The following SYT10 variants were observed in gnomAD, a reference collection of about 807,000 sequenced individuals.
The protein encoded by SYT10 is synaptotagmin-10.
In SYT10, 31 loss-of-function variants were observed where a neutral mutation model predicts 51.1. The ratio of observed to expected loss-of-function variants is 0.61; its 90% CI spans 0.46 to 0.82. The LOEUF (loss-of-function observed/expected upper bound fraction) is 0.82, where lower values mean the gene tolerates loss of function less well. SYT10 is among the 40% of genes least tolerant of loss of function. The probability of loss-of-function intolerance (pLI) is 0.00; values close to 1 mark genes in which losing one functional copy is unlikely to be tolerated. For synonymous variants in SYT10, 233 were observed against 225.9 expected (o/e 1.03, Z -0.28); for missense variants, 603 against 634.0 (o/e 0.95, Z 0.53).
chr12:33,416,537 T>C (rs1311153279), intron 2 of SYT10, among the ~76,000 whole-genome samples: 1 of 152,194 alleles, frequency 6.6e-6, no homozygotes, highest in Non-Finnish European at 1.5e-5. Flanking sequence ...GAACATTCTC[T>C]TTTACAACGT....
At chr12:33,404,075 A>G (rs1164754558) in intron 3 of SYT10, among the ~76,000 whole-genome samples, 1 of 152,228 alleles carries the variant, frequency 6.6e-6, no homozygotes, top group Non-Finnish European at 1.5e-5. Context: ...CTGAAATGAG[A>G]ATGTCTGCAG....
At chr12:33,424,967 A>C (rs1866538186) in intron 2 of SYT10, among the ~76,000 whole-genome samples, 1 of 151,960 alleles carries the variant, frequency 6.6e-6, no homozygotes, top group African/African-American at 2.4e-5. Context: ...CCTTATCTCA[A>C]AGTTCCTTAT....
chr12:33,383,961 T>C (rs1196762231), intron 4 of SYT10, among the ~76,000 whole-genome samples: 2 of 152,220 alleles, frequency 1.3e-5, no homozygotes, highest in African/African-American at 4.8e-5. Context: ...ACACTGTTTA[T>C]CTTAAATTCT....
Position 33,376,780 on chromosome 12 carries a change from A to T in SYT10, c.*50T>A. On this transcript the variant is annotated 3_prime_UTR_variant, in exon 7 of 7. Coordinates refer to ENST00000228567, the MANE Select transcript of SYT10 (RefSeq NM_198992.4). ...AACCTTCCACTTTTTTTCTGATTCA[A>T]TGAGCACGTGATCCTAGATGCTTAA... 1 of 1,604,206 alleles carries T rather than the reference A, an allele frequency of 6.2e-7. No individual in the cohort carries two copies. The highest frequency in any genetic ancestry group is 1.7e-5 in the Admixed American group (1 of 59,354).
chr12:33,407,005 C>T lies in SYT10; in HGVS notation c.861G>A (p.Val287=), dbSNP rs780248794. 2 of 1,613,986 alleles carry T rather than the reference C, an allele frequency of 1.2e-6. No individual in the cohort carries two copies. Among genetic ancestry groups the T allele is most frequent in the Admixed American group, 3.3e-5 (2 of 59,992 alleles). ...PDRKKKFQTR[V]HRKTLNPLFD... is the part of the protein sequence containing the mutation. Reference sequence around the variant, plus strand: ...ATAGAGGATTTAAAGTCTTTCTGTGCACGCGGGTCTGAAATTTCTTTTTCC... The same window carrying T: ...ATAGAGGATTTAAAGTCTTTCTGTGTACGCGGGTCTGAAATTTCTTTTTCC... Residue 287 remains valine (V), a synonymous_variant, in exon 3 of 7, where the codon GTG becomes GTA. Transcript: ENST00000228567.
intron 1 of SYT10, among the ~76,000 whole-genome samples, chr12:33,433,988 A>G (rs1866617763): frequency 6.6e-6 from 1 of 152,180 alleles, no homozygotes; most frequent in African/African-American, 2.4e-5. Flanking sequence ...TAGTTTTCAC[A>G]TCTGCAAAGT....
intron 3 of SYT10, among the ~76,000 whole-genome samples, chr12:33,403,129 T>C (rs529623250): frequency 4.3e-4 from 66 of 152,198 alleles, no homozygotes; most frequent in African/African-American, 1.5e-3. Flanking sequence ...TCATAAATGA[T>C]TATTTCAAAT....
At chr12:33,435,946 ATTTT>A in intron 1 of SYT10, among the ~76,000 whole-genome samples, 1 of 152,186 alleles carries the variant, frequency 6.6e-6, no homozygotes, top group South Asian at 2.1e-4. Context: ...TTATTTTAGA[ATTTT>A]TAGTCCCAAA....
In SYT10 at chr12:33,391,238, TTTTA is replaced by T. The variant is rs1426211530; in HGVS notation, c.1078-5951_1078-5948del. Among the ~76,000 whole-genome samples, 9 of 150,908 alleles carry T rather than the reference TTTTA, an allele frequency of 6.0e-5. No homozygotes were observed. The East Asian group carries it at 1.4e-3, about 23-fold the overall frequency. On this transcript the variant is annotated intron_variant, in intron 3 of 6. Coordinates refer to ENST00000228567, the MANE Select transcript of SYT10 (RefSeq NM_198992.4). ...AGGCGTGAGCCAACGCCTGGCTGCT[TTTTA>T]TTTTATTTTATTTTTTTTTATCTTG...
chr12:33,413,178 C>T (rs192791955), intron 2 of SYT10, among the ~76,000 whole-genome samples: 7,398 of 152,168 alleles, frequency 0.049, 323 homozygotes, highest in African/African-American at 0.12. Flanking sequence ...AAATATGGGA[C>T]TATGTGAAAA....
At chr12:33,435,498 T>C (rs1452795690) in intron 1 of SYT10, among the ~76,000 whole-genome samples, 2 of 152,154 alleles carry the variant, frequency 1.3e-5, no homozygotes, top group Non-Finnish European at 2.9e-5. Flanking sequence ...AGGAAAAATA[T>C]CCTCTTATAT....
intron 3 of SYT10, among the ~76,000 whole-genome samples, chr12:33,390,392 G>A (rs1284510046): frequency 6.6e-6 from 1 of 152,064 alleles, no homozygotes; most frequent in Non-Finnish European, 1.5e-5. Context: ...CTTCTGGCTC[G>A]CTAAAATTCT....
chr12:33,377,111 A>G (rs1318444900), intron 6 of SYT10, among the ~76,000 whole-genome samples: 3 of 152,222 alleles, frequency 2.0e-5, no homozygotes, highest in Admixed American at 2.0e-4. Flanking sequence ...AGAGCATGGT[A>G]CACAGATGTA....
rs191231276 is a variant in SYT10 at position 33,409,608 on chromosome 12, G to C, written c.510-2252C>G. On this transcript the variant is annotated intron_variant, in intron 2 of 6. Transcript: ENST00000228567. ...GGCTCACTGCGAGCTCCGCCTCCCA[G>C]GTTCATGCCATTCTCCTCCCTCAGT... 1.5e-3 allele frequency among the ~76,000 whole-genome samples: 221 copies of C among 151,844 alleles called. 1 individual carries two copies. The highest frequency in any genetic ancestry group is 5.1e-3 in the African/African-American group (209 of 41,338).
At chr12:33,411,036 G>T (rs189599035) in intron 2 of SYT10, among the ~76,000 whole-genome samples, 8 of 152,250 alleles carry the variant, frequency 5.3e-5, no homozygotes, top group African/African-American at 1.7e-4. Flanking sequence ...TGAGGACACT[G>T]AGGCACAGAG....
intron 2 of SYT10, 49 bp downstream of exon 2, chr12:33,426,089 C>CA: frequency 6.6e-7 from 1 of 1,511,132 alleles, no homozygotes; most frequent in East Asian, 2.3e-5. Context: ...CACACACACA[C>CA]ACACACACAC....
chr12:33,409,234 C>T (rs10844584), intron 2 of SYT10, among the ~76,000 whole-genome samples: 14,991 of 151,734 alleles, frequency 0.099, 829 homozygotes, highest in Admixed American at 0.16. Flanking sequence ...TCTTTTTTTT[C>T]GAAATGGGTT....
intron 5 of SYT10, among the ~76,000 whole-genome samples, chr12:33,381,106 T>G (rs1239882958): frequency 6.6e-6 from 1 of 152,190 alleles, no homozygotes; most frequent in Admixed American, 6.5e-5. Context: ...GAGAAATCAA[T>G]AGGGGTAATT....
rs56373564 is a variant in SYT10, at chr12:33,378,814, C to CTGTGTGTG, written c.1500+1010_1500+1017dup. On this transcript the variant is annotated intron_variant, in intron 6 of 6. Transcript: ENST00000228567. ...GGGAAAACACCAAGTGACTGGGTATCTGTGTGTGTGTGTGTGTGTGTGTGT... is the reference window on the plus strand; with the variant it reads ...GGGAAAACACCAAGTGACTGGGTATCTGTGTGTGTGTGTGTGTGTGTGTGTGTGTGTGT... 3.4e-3 allele frequency among the ~76,000 whole-genome samples: 487 copies of CTGTGTGTG among 145,280 alleles called. 3 individuals carry two copies. Among genetic ancestry groups the CTGTGTGTG allele is most frequent in the African/African-American group, 0.011 (450 of 40,236 alleles).
Sources: gnomAD v4.1 joint callset for allele counts (sites outside exome capture counted in the v4.1 genomes callset) on GRCh38, gnomAD v4.1.1 for gene constraint, MANE v1.5 for transcripts, NCBI Gene and HGNC (gene_info 2026-07-23, HGNC 2026-07-21) for gene names.